Variants in ACAN observed in about 807,000 individuals in gnomAD.
ACAN encodes aggrecan.
Under a neutral mutation model 169.1 loss-of-function variants are expected in ACAN, and 47 were observed. The observed-to-expected ratio is 0.28, with a 90% CI of 0.22 to 0.35. ACAN has a LOEUF of 0.35. Among genes scored for constraint, ACAN ranks in the 10% least tolerant of loss-of-function variants. The pLI, the probability that ACAN is intolerant of heterozygous loss-of-function variation, is 1.00. For missense variants in ACAN, 2,716 were observed against 2,759.9 expected, an observed-to-expected ratio of 0.98 and a Z score of 0.36; for synonymous variants, 1,115 against 1,112.2, an observed-to-expected ratio of 1.00 and a Z score of -0.05.
rs1365747264 is a variant in ACAN, at chr15:88,866,575, C to T, written c.6947-1641C>T. ...CTGTTGGTTCTAGTCTATGGTGTGC[C>T]CCCCCGAGATGAAGTTAAAGACTTC... is the stretch of plus-strand genomic sequence containing the variant. On this transcript the variant is annotated intron_variant, in intron 13 of 18. Transcript: ENST00000560601. This position sits in a 1 kb window ranked among gnomAD's most constrained non-coding sequence, Gnocchi z 5.6. Among the ~76,000 whole-genome samples, 1 of 151,354 alleles carries T rather than the reference C, an allele frequency of 6.6e-6. No homozygotes were observed. The highest frequency in any genetic ancestry group is 1.5e-5 in the Non-Finnish European group (1 of 67,806).
chr15:88,864,738 G>A (rs62023521), intron 13 of ACAN, among the ~76,000 whole-genome samples: 4 of 152,142 alleles, frequency 2.6e-5, no homozygotes, highest in African/African-American at 9.7e-5. Flanking sequence ...CCATTGAATT[G>A]AGAAATTTTA....
intron 1 of ACAN, among the ~76,000 whole-genome samples, chr15:88,812,680 C>T (rs12439075): frequency 0.33 from 49,304 of 151,626 alleles, 8,872 homozygotes; most frequent in East Asian, 0.6. Flanking sequence ...GGAAGCTTTT[C>T]TTTTTGTGCC....
intron 4 of ACAN, among the ~76,000 whole-genome samples, chr15:88,841,108 G>A (rs954766833): frequency 3.2e-4 from 48 of 152,350 alleles, no homozygotes; most frequent in African/African-American, 1.1e-3. Flanking sequence ...TCGCGCCACT[G>A]CACTCCAGCC....
At chr15:88,860,058 G>A (rs1030666516) in intron 12 of ACAN, among the ~76,000 whole-genome samples, 4 of 146,816 alleles carry the variant, frequency 2.7e-5, no homozygotes, top group East Asian at 2.0e-4. Flanking sequence ...CACTGGTAGC[G>A]GTAGCTGATT....
At position 88,859,186 on chromosome 15, in the gene ACAN, G is replaced by T; in HGVS notation, c.6601G>T (p.Asp2201Tyr). ...ASGDRTEISG[D>Y]LSGHTSQLGV... Reference sequence around the variant, plus strand: ...TGGAGACAGGACTGAAATCAGCGGAGACCTGTCTGGTCACACCTCGCAGCT... The same window carrying T: ...TGGAGACAGGACTGAAATCAGCGGATACCTGTCTGGTCACACCTCGCAGCT... Residue 2201 changes from aspartate (D) to tyrosine (Y), a missense_variant, in exon 12 of 19, where the codon GAC (aspartate) becomes TAC (tyrosine). Transcript: ENST00000560601. 2 of 1,613,850 alleles carry T rather than the reference G, an allele frequency of 1.2e-6. No homozygotes were observed. Among genetic ancestry groups the T allele is most frequent in the Non-Finnish European group, 1.7e-6 (2 of 1,179,898 alleles).
rs759714158 is a variant in ACAN, at chr15:88,849,709, G to A, written c.2004G>A (p.Arg668=). 1 of 1,613,798 alleles carries A rather than the reference G, an allele frequency of 6.2e-7. No homozygotes were observed. Among genetic ancestry groups the A allele is most frequent in the South Asian group, 1.1e-5 (1 of 91,068 alleles). The change falls in exon 10 of 19, where the codon CGG becomes CGA. Residue 668 remains arginine, a synonymous_variant. Coordinates refer to ENST00000560601, the MANE Select transcript of ACAN (RefSeq NM_001369268.1). This position sits in a 1 kb window ranked among gnomAD's most constrained non-coding sequence, Gnocchi z 5.1. ...NQTGLPDPLS[R]HHAFCFRGIS... ...CGGGCCTCCCAGACCCACTGTCCCG[G>A]CACCATGCCTTCTGCTTCCGAGGTA...
chr15:88,821,546 A>G (rs942785089), intron 1 of ACAN, among the ~76,000 whole-genome samples: 4 of 152,188 alleles, frequency 2.6e-5, no homozygotes, highest in African/African-American at 9.7e-5. Flanking sequence ...CCTGCTACAG[A>G]GTCTTCCATA....
At position 88,849,811 on chromosome 15, in the gene ACAN, C is replaced by G; in HGVS notation, c.2026+80C>G. ...TGGGTTCACCGGATCCTGCCACCAC[C>G]CAGTATCCCATCCATCAGAGCAAGA... is the stretch of plus-strand genomic sequence containing the variant. On this transcript the variant is annotated intron_variant, in intron 10 of 18. Coordinates refer to ENST00000560601, the MANE Select transcript of ACAN (RefSeq NM_001369268.1). The surrounding 1 kb of genome is among the most constrained non-coding windows in gnomAD (Gnocchi z 5.1). 1 of 1,526,004 alleles carries G rather than the reference C, an allele frequency of 6.6e-7. No homozygotes were observed. Among genetic ancestry groups the G allele is most frequent in the Non-Finnish European group, 8.9e-7 (1 of 1,121,290 alleles). 94.5% of individuals were successfully genotyped at this position (1,526,004 alleles called of 1,614,324 possible). A position where few individuals can be genotyped will look rare whatever the true frequency, so the allele number is the denominator to read the frequency against.
In ACAN at chr15:88,814,155, T is replaced by G. The variant is rs1895884702; in HGVS notation, c.-8+10346T>G. 6.6e-6 allele frequency among the ~76,000 whole-genome samples: 1 copy of G among 152,210 alleles called. No homozygotes were observed. The highest frequency in any genetic ancestry group is 2.4e-5 in the African/African-American group (1 of 41,442). On this transcript the variant is annotated intron_variant, in intron 1 of 18. Transcript: ENST00000560601. This position sits in a 1 kb window ranked among gnomAD's most constrained non-coding sequence, Gnocchi z 4.0. The stretch of plus-strand genomic sequence containing the variant: ...GCAGTGTGACCTTGACAGAGTTGAT[T>G]AGTCTTGCTGTGCCTCGTTTTCCTC...
Position 88,839,889 on chromosome 15 carries a change from C to T in ACAN, c.455-123C>T. ...CAAAGGTGTACAGGGAGTCATGCAT[C>T]AGCCCAGACCAGCCAGTTCCCTAAG... On this transcript the variant is annotated intron_variant, in intron 3 of 18. Coordinates refer to ENST00000560601, the MANE Select transcript of ACAN (RefSeq NM_001369268.1). This position sits in a 1 kb window ranked among gnomAD's most constrained non-coding sequence, Gnocchi z 4.5. 3.4e-6 allele frequency: 4 copies of T among 1,174,066 alleles called. No individual in the cohort carries two copies. Among genetic ancestry groups the T allele is most frequent in the Non-Finnish European group, 4.8e-6 (4 of 833,730 alleles). The allele number at this position is 1,174,066 out of a possible 1,614,324, so 72.7% of individuals were successfully genotyped here.
chr15:88,841,602 T>C (rs1896662612), intron 4 of ACAN, 138 bp from the exon 5 acceptor site: 7 of 1,120,878 alleles, frequency 6.2e-6, no homozygotes, highest in Non-Finnish European at 6.5e-6. Flanking sequence ...AGATAGGCAG[T>C]TGACATATTC....
chr15:88,849,861 GC>G lies in ACAN; in HGVS notation c.2026+132del. The G allele has an allele frequency of 7.5e-7, 1 of 1,334,176 alleles. No individual in the cohort carries two copies. Among genetic ancestry groups the G allele is most frequent in the Non-Finnish European group, 1.0e-6 (1 of 956,852 alleles). 82.6% of individuals were successfully genotyped at this position (1,334,176 alleles called of 1,614,324 possible). ...AAAATGTCAGTCCCTCTGGGGCAGAGCCAGCTCTGAAACCAGCACAACGCAG... is the reference window on the plus strand; with the variant it reads ...AAAATGTCAGTCCCTCTGGGGCAGAGCAGCTCTGAAACCAGCACAACGCAG... On this transcript the variant is annotated intron_variant, in intron 10 of 18. Transcript: ENST00000560601. This position sits in a 1 kb window ranked among gnomAD's most constrained non-coding sequence, Gnocchi z 5.1.
chr15:88,858,516 G>T lies in ACAN; in HGVS notation c.5931G>T (p.Glu1977Asp), dbSNP rs200212015. 215 of 1,613,780 alleles carry T rather than the reference G, an allele frequency of 1.3e-4. 1 individual carries two copies. Among genetic ancestry groups the T allele is most frequent in the Non-Finnish European group, 1.6e-4 (194 of 1,179,902 alleles). The part of the protein sequence containing the change: ...AHSGAPDMSG[E>D]HSGFLDLSGL... ...CTGGAGCACCAGACATGTCTGGGGA[G>T]CATTCTGGATTTCTGGACCTAAGTG... The change falls in exon 12 of 19, where the codon GAG (glutamate) becomes GAT (aspartate). Residue 1977 changes from glutamate to aspartate, a missense_variant. Physicochemically the swap from Glu to Asp is conservative, Grantham distance 45. Around this residue, in one of 3 missense-constraint regions of ACAN, gnomAD observed 1,389 missense variants for 1,363.7 expected, o/e 1.02. Coordinates refer to ENST00000560601, the MANE Select transcript of ACAN (RefSeq NM_001369268.1). This position sits in a 1 kb window ranked among gnomAD's most constrained non-coding sequence, Gnocchi z 4.0.
rs1596144905 is a variant in ACAN at position 88,855,607 on chromosome 15, G to A, written c.3022G>A (p.Val1008Ile). The stretch of plus-strand genomic sequence containing the variant: ...AGTTCTAGAGACCACTGCCCCTGGA[G>A]TAGAGGACATCAGCGGGCTTCCTTC... ...GEVLETTAPG[V>I]EDISGLPSGE... is the part of the protein sequence containing the mutation. The change falls in exon 12 of 19, where the codon GTA (valine) becomes ATA (isoleucine). Residue 1008 changes from valine (V) to isoleucine (I), a missense_variant. Coordinates refer to ENST00000560601, the MANE Select transcript of ACAN (RefSeq NM_001369268.1). 1.9e-6 allele frequency: 1 copy of A among 522,608 alleles called. No homozygotes were observed. Among genetic ancestry groups the A allele is most frequent in the Non-Finnish European group, 3.3e-6 (1 of 302,466 alleles). The allele number at this position is 522,608 out of a possible 1,614,324, so 32.4% of individuals were successfully genotyped here.
Position 88,852,000 on chromosome 15 carries a change from G to C in ACAN, c.2233G>C (p.Ala745Pro), listed in dbSNP as rs1362388507. Residue 745 changes from alanine to proline, a missense_variant, in exon 11 of 19, where the codon GCC becomes CCC. Ala to Pro is a conservative substitution (Grantham distance 27). Around this residue, in one of 3 missense-constraint regions of ACAN, gnomAD observed 1,283 missense variants for 1,281.5 expected, o/e 1.00. Coordinates refer to ENST00000560601, the MANE Select transcript of ACAN (RefSeq NM_001369268.1). This position sits in a 1 kb window ranked among gnomAD's most constrained non-coding sequence, Gnocchi z 4.3. ...EPENQTEWEP[A>P]YTPVGTSPLP... is the part of the protein sequence containing the mutation. ...AGAAAACCAGACAGAATGGGAACCAGCCTATACCCCAGTGGGCACATCCCC... is the reference window on the plus strand; with the variant it reads ...AGAAAACCAGACAGAATGGGAACCACCCTATACCCCAGTGGGCACATCCCC... The C allele has an allele frequency of 6.2e-7, 1 of 1,609,966 alleles. No individual in the cohort carries two copies. The highest frequency in any genetic ancestry group is 1.3e-5 in the African/African-American group (1 of 74,762).
At chr15:88,827,539 T>C (rs753828945) in intron 1 of ACAN, among the ~76,000 whole-genome samples, 3 of 150,914 alleles carry the variant, frequency 2.0e-5, no homozygotes, top group Non-Finnish European at 4.4e-5. Context: ...AAATTCGATA[T>C]AGATGCAAAT....
intron 1 of ACAN, among the ~76,000 whole-genome samples, chr15:88,835,267 G>C (rs770443702): frequency 1.3e-5 from 2 of 152,142 alleles, no homozygotes; most frequent in Non-Finnish European, 2.9e-5. Context: ...GTTGGTGGCA[G>C]GCCCAAGTTT....
intron 1 of ACAN, among the ~76,000 whole-genome samples, chr15:88,805,680 A>G (rs539876752): frequency 2.0e-5 from 3 of 152,378 alleles, no homozygotes; most frequent in African/African-American, 4.8e-5. Flanking sequence ...AGTGCCTGGC[A>G]CTGGGCAAGT....
At chr15:88,822,107 G>C (rs1421866809) in intron 1 of ACAN, among the ~76,000 whole-genome samples, 2 of 152,238 alleles carry the variant, frequency 1.3e-5, no homozygotes, top group African/African-American at 4.8e-5. Flanking sequence ...TGGTCATATA[G>C]ACATGGCTGA....
Sources: allele counts gnomAD v4.1 joint callset (sites outside exome capture counted in the v4.1 genomes callset), GRCh38; gene constraint gnomAD v4.1.1; regional missense constraint gnomAD v4.1.1; non-coding constraint Gnocchi (gnomAD v3.1); transcripts MANE v1.5; gene names NCBI Gene and HGNC (gene_info 2026-07-23, HGNC 2026-07-21).